IL1RL2: variants seen among roughly 807,000 people sequenced by gnomAD.
The protein encoded by IL1RL2 is interleukin 1 receptor like 2.
A neutral mutation model predicts 66.8 loss-of-function variants in IL1RL2; 68 were observed. The ratio of observed to expected loss-of-function variants is 1.02; its 90% CI spans 0.84 to 1.25. The LOEUF is 1.25. Among genes scored for constraint, IL1RL2 ranks in the 50% most tolerant of loss-of-function variants. IL1RL2 has a pLI of 0.00. For synonymous variants in IL1RL2, 305 were observed against 264.6 expected, an observed-to-expected ratio of 1.15 and a Z score of -1.48; for missense variants, 729 against 709.3, an observed-to-expected ratio of 1.03 and a Z score of -0.32.
intron 4 of IL1RL2, among the ~76,000 whole-genome samples, chr2:102,200,163 G>C (rs1205605292): frequency 1.4e-5 from 2 of 147,230 alleles, no homozygotes; most frequent in African/African-American, 5.0e-5. Flanking sequence ...TCCTAAAGAA[G>C]GAGACATCAC....
downstream of IL1RL2, among the ~76,000 whole-genome samples, chr2:102,242,338 G>C (rs992778611): frequency 1.4e-4 from 21 of 151,982 alleles, no homozygotes; most frequent in African/African-American, 3.6e-4. Flanking sequence ...CGTTAGTCAG[G>C]GTTTTCTAGA....
intron 11 of IL1RL2, 98 bp from the exon 12 acceptor site, chr2:102,239,094 C>G: frequency 9.7e-7 from 1 of 1,029,952 alleles, no homozygotes; most frequent in South Asian, 1.3e-5. Context: ...GAACTGACGG[C>G]AAGGTGGAGG....
At position 102,235,159 on chromosome 2, in the gene IL1RL2, G is replaced by C. The variant is rs1400612421; in HGVS notation, c.1560G>C (p.Gln520His). Residue 520 changes from glutamine to histidine, a missense_variant, in exon 11 of 12, where the codon CAG (glutamine) becomes CAC (histidine). By Grantham distance (24) the Gln-to-His change is conservative (BLOSUM62 0). Coordinates refer to ENST00000264257, the MANE Select transcript of IL1RL2 (RefSeq NM_003854.4). ...GGTGGCATGGGGACTTCACGGAGCA[G>C]TCACAGTGTATGAAGACCAAGTTTT... The part of the protein sequence containing the change: ...AIRWHGDFTE[Q>H]SQCMKTKFWK... 5 of 1,614,124 alleles carry C rather than the reference G, an allele frequency of 3.1e-6. No homozygotes were observed. The highest frequency in any genetic ancestry group is 4.2e-6 in the Non-Finnish European group (5 of 1,180,054).
At chr2:102,200,297 G>A (rs1665676158) in intron 4 of IL1RL2, among the ~76,000 whole-genome samples, 1 of 152,098 alleles carries the variant, frequency 6.6e-6, no homozygotes, top group African/African-American at 2.4e-5. Context: ...AATAATGTAA[G>A]CCTTATAGGA....
At chr2:102,197,581 A>G (rs1687894580) in intron 4 of IL1RL2, among the ~76,000 whole-genome samples, 1 of 152,178 alleles carries the variant, frequency 6.6e-6, no homozygotes, top group Admixed American at 6.5e-5. Flanking sequence ...ACCACCTTAC[A>G]TTTTGCTGAG....
chr2:102,194,110 C>T (rs561945972), intron 4 of IL1RL2, among the ~76,000 whole-genome samples: 5 of 152,160 alleles, frequency 3.3e-5, no homozygotes, highest in Non-Finnish European at 7.3e-5. Flanking sequence ...CGAAGGCCCA[C>T]CTCTTCCATC....
intron 9 of IL1RL2, among the ~76,000 whole-genome samples, chr2:102,232,146 T>G (rs1249092937): frequency 6.6e-6 from 1 of 151,246 alleles, no homozygotes; most frequent in African/African-American, 2.4e-5. Flanking sequence ...AGTTTTGCTC[T>G]TGTTGCCCAG....
At chr2:102,187,978 T>A (rs1203574748) in intron 2 of IL1RL2, 53 bp downstream of exon 2, 1 of 1,536,804 alleles carries the variant, frequency 6.5e-7, no homozygotes, top group African/African-American at 1.4e-5. Flanking sequence ...CACAGGCTCC[T>A]GGCCTGTCAT....
rs906613237 is a variant in IL1RL2 at position 102,206,519 on chromosome 2, C to T, written c.649+4804C>T. Among the ~76,000 whole-genome samples, 9 of 152,308 alleles carry T rather than the reference C, an allele frequency of 5.9e-5. 1 individual carries two copies. In the South Asian group the frequency reaches 1.7e-3, roughly 28 times the overall value. ...CCACCTTGATGATCTTGGACAATATCTGGGAGAATTCTCTAGATATCAGGC... is the reference window on the plus strand; with the variant it reads ...CCACCTTGATGATCTTGGACAATATTTGGGAGAATTCTCTAGATATCAGGC... On this transcript the variant is annotated intron_variant, in intron 5 of 11. Coordinates refer to ENST00000264257, the MANE Select transcript of IL1RL2 (RefSeq NM_003854.4).
intron 5 of IL1RL2, among the ~76,000 whole-genome samples, chr2:102,206,239 G>A (rs1688688865): frequency 1.3e-5 from 2 of 152,038 alleles, no homozygotes; most frequent in African/African-American, 4.8e-5. Context: ...TTCAGGATTG[G>A]CCCCTGGTGC....
chr2:102,191,524 T>C (rs1687231965), intron 3 of IL1RL2, among the ~76,000 whole-genome samples: 2 of 152,244 alleles, frequency 1.3e-5, no homozygotes, highest in Non-Finnish European at 1.5e-5. Flanking sequence ...TTTTTCATGA[T>C]ACTGACATTT....
intron 9 of IL1RL2, among the ~76,000 whole-genome samples, chr2:102,231,508 T>A (rs1267185725): frequency 7.1e-6 from 1 of 140,224 alleles, no homozygotes; most frequent in Non-Finnish European, 1.5e-5. Flanking sequence ...AAAAATAAAA[T>A]AAAAAAATAA....
chr2:102,211,507 T>G (rs1162401623), intron 5 of IL1RL2, among the ~76,000 whole-genome samples: 1 of 152,218 alleles, frequency 6.6e-6, no homozygotes, highest in Non-Finnish European at 1.5e-5. Context: ...CATCCAACTT[T>G]GACAATTATC....
At chr2:102,207,729 T>C (rs1025855011) in intron 5 of IL1RL2, among the ~76,000 whole-genome samples, 1 of 152,152 alleles carries the variant, frequency 6.6e-6, no homozygotes, top group Admixed American at 6.5e-5. Flanking sequence ...CCACACTCCC[T>C]TGGCTGCCCT....
At chr2:102,229,785 C>A (rs1690957618) in intron 9 of IL1RL2, among the ~76,000 whole-genome samples, 1 of 152,176 alleles carries the variant, frequency 6.6e-6, no homozygotes, top group Non-Finnish European at 1.5e-5. Context: ...AAAAATTGGG[C>A]ACATTTGTAC....
At chr2:102,231,137 T>C (rs963094690) in intron 9 of IL1RL2, among the ~76,000 whole-genome samples, 2 of 152,236 alleles carry the variant, frequency 1.3e-5, no homozygotes, top group African/African-American at 2.4e-5. Flanking sequence ...TCAAGCCCTC[T>C]GGCCCTGCTG....
intron 9 of IL1RL2, among the ~76,000 whole-genome samples, chr2:102,230,337 T>A (rs1691011201): frequency 6.6e-6 from 1 of 152,208 alleles, no homozygotes; most frequent in South Asian, 2.1e-4. Context: ...CAGAAAAGTA[T>A]CCACTTATTT....
intron 5 of IL1RL2, among the ~76,000 whole-genome samples, chr2:102,203,136 A>G (rs1688414195): frequency 6.6e-6 from 1 of 152,158 alleles, no homozygotes; most frequent in East Asian, 1.9e-4. Context: ...TGCAATGACC[A>G]TATGGTTTTT....
intron 6 of IL1RL2, among the ~76,000 whole-genome samples, chr2:102,213,743 C>A (rs1481679498): frequency 6.6e-6 from 1 of 151,924 alleles, no homozygotes; most frequent in Admixed American, 6.6e-5. Flanking sequence ...TACAACTAAC[C>A]ATTTGACTCT....
Sources: gnomAD v4.1 joint callset for allele counts (sites outside exome capture counted in the v4.1 genomes callset) on GRCh38, gnomAD v4.1.1 for gene constraint, MANE v1.5 for transcripts, NCBI Gene and HGNC (gene_info 2026-07-23, HGNC 2026-07-21) for gene names.